PSMA3: variants seen among roughly 807,000 people sequenced by gnomAD.
The protein encoded by PSMA3 is proteasome subunit alpha type-3.
A neutral mutation model predicts 40.0 loss-of-function variants in PSMA3; 8 were observed. The observed-to-expected ratio is 0.20, with a 90% confidence interval of 0.12 to 0.36. PSMA3 has a LOEUF of 0.36. Ranked by LOEUF, PSMA3 falls within the 10% of genes least tolerant of loss-of-function variation. The probability of loss-of-function intolerance (pLI) is 1.00; values close to 1 mark genes in which losing one functional copy is unlikely to be tolerated. For missense variants in PSMA3, 219 were observed against 310.6 expected, an observed-to-expected ratio of 0.70 and a Z score of 2.22; for synonymous variants, 110 against 100.0, an observed-to-expected ratio of 1.10 and a Z score of -0.59.
intron 9 of PSMA3, 124 bp downstream of exon 9, chr14:58,270,609 A>G: frequency 6.7e-7 from 1 of 1,501,906 alleles, no homozygotes; most frequent in East Asian, 2.3e-5. Flanking sequence ...TAATGAAGGG[A>G]AAGTTCTGCT....
chr14:58,253,810 T>G (rs1890071136), intron 3 of PSMA3, among the ~76,000 whole-genome samples: 1 of 152,150 alleles, frequency 6.6e-6, no homozygotes, highest in African/African-American at 2.4e-5. Context: ...GTCAGGCTGG[T>G]CTCGGACTCC....
At chr14:58,262,664 G>C (rs978501740) in intron 6 of PSMA3, among the ~76,000 whole-genome samples, 2 of 151,320 alleles carry the variant, frequency 1.3e-5, no homozygotes, top group African/African-American at 4.9e-5. Flanking sequence ...CCGGATTCAA[G>C]GGATTCTTGT....
At chr14:58,251,722 G>A (rs954544491) in intron 2 of PSMA3, among the ~76,000 whole-genome samples, 1 of 152,132 alleles carries the variant, frequency 6.6e-6, no homozygotes, top group Non-Finnish European at 1.5e-5. Flanking sequence ...TCTACCCAGA[G>A]CAGTCACTGT....
chr14:58,256,338 A>G (rs1222087987), intron 3 of PSMA3, among the ~76,000 whole-genome samples: 1 of 152,138 alleles, frequency 6.6e-6, no homozygotes, highest in Non-Finnish European at 1.5e-5. Context: ...CGATTTTGGA[A>G]TATCTGCATT....
chr14:58,270,552 T>TG (rs1890584844), intron 9 of PSMA3, 67 bp downstream of exon 9: 1 of 1,602,320 alleles, frequency 6.2e-7, no homozygotes, highest in African/African-American at 1.3e-5. Flanking sequence ...TACAACTGAG[T>TG]GTCCTTTCTA....
intron 7 of PSMA3, chr14:58,266,803 TG>T (rs1890455549): frequency 6.6e-6 from 1 of 152,214 alleles, no homozygotes; most frequent in South Asian, 2.1e-4. Flanking sequence ...TTCTGTATCT[TG>T]CATATAGTAA....
chr14:58,255,692 C>CT (rs1890127760), intron 3 of PSMA3, among the ~76,000 whole-genome samples: 1 of 152,166 alleles, frequency 6.6e-6, no homozygotes, highest in Non-Finnish European at 1.5e-5. Context: ...TCCCTTGAAC[C>CT]TGGGAGGTGG....
At chr14:58,245,600 T>G (rs1475881554) in intron 1 of PSMA3, 1 of 152,382 alleles carries the variant, frequency 6.6e-6, no homozygotes, top group Admixed American at 6.5e-5. Context: ...AGCTTCAGAC[T>G]TTTCATAGAC....
chr14:58,263,225 T>G (rs1890334109), intron 6 of PSMA3, among the ~76,000 whole-genome samples: 1 of 152,218 alleles, frequency 6.6e-6, no homozygotes, highest in South Asian at 2.1e-4. Context: ...CCTGAGGTGA[T>G]CTGCCCACCT....
chr14:58,253,548 A>G (rs1025705373), intron 3 of PSMA3, among the ~76,000 whole-genome samples: 70 of 152,240 alleles, frequency 4.6e-4, no homozygotes, highest in African/African-American at 1.6e-3. Flanking sequence ...TATCTCAACA[A>G]TATGTTTCTC....
chr14:58,257,921 A>T lies in PSMA3; in HGVS notation c.331-4A>T, dbSNP rs766964925. Reference sequence around the variant, plus strand: ...TTAATAAGCTCTTCTGCTTCCCTCCATAGCATCTTGCAGACAGAGTGGCCA... The same window carrying T: ...TTAATAAGCTCTTCTGCTTCCCTCCTTAGCATCTTGCAGACAGAGTGGCCA... On this transcript the variant is annotated splice_polypyrimidine_tract_variant and splice_region_variant and intron_variant, in intron 4 of 10. Coordinates refer to ENST00000216455, the MANE Select transcript of PSMA3 (RefSeq NM_002788.4). 4 of 1,613,732 alleles carry T rather than the reference A, an allele frequency of 2.5e-6. No homozygotes were observed. In the South Asian group the frequency reaches 4.4e-5, roughly 18 times the overall value.
chr14:58,261,426 A>T (rs1002916483), intron 6 of PSMA3, among the ~76,000 whole-genome samples: 1 of 152,032 alleles, frequency 6.6e-6, no homozygotes, highest in Non-Finnish European at 1.5e-5. Flanking sequence ...AGATCTACCC[A>T]CCTGGGTCTC....
At chr14:58,267,629 T>C in intron 8 of PSMA3, 109 bp downstream of exon 8, 1 of 1,297,564 alleles carries the variant, frequency 7.7e-7, no homozygotes, top group South Asian at 2.4e-5. Context: ...ACTTAGTGTA[T>C]AATTTTTAGA....
chr14:58,259,913 T>C (rs1463184797), intron 5 of PSMA3, among the ~76,000 whole-genome samples: 4 of 152,184 alleles, frequency 2.6e-5, no homozygotes, highest in African/African-American at 7.2e-5. Context: ...TAAAAGTCTG[T>C]GCTCCATGCT....
At chr14:58,262,584 A>G (rs1035425676) in intron 6 of PSMA3, among the ~76,000 whole-genome samples, 2 of 147,520 alleles carry the variant, frequency 1.4e-5, no homozygotes, top group African/African-American at 2.5e-5. Context: ...TTTTTTTGAG[A>G]CAGAGTCTTG....
intron 2 of PSMA3, among the ~76,000 whole-genome samples, chr14:58,250,291 G>C (rs990352511): frequency 3.8e-4 from 58 of 151,808 alleles, no homozygotes; most frequent in African/African-American, 1.4e-3. Context: ...CTGGCCTCAG[G>C]CAAGCCTTTC....
Position 58,257,907 on chromosome 14 carries a change from T to G in PSMA3, c.331-18T>G. 6.2e-7 allele frequency: 1 copy of G among 1,613,202 alleles called. No homozygotes were observed. The highest frequency in any genetic ancestry group is 8.5e-7 in the Non-Finnish European group (1 of 1,179,160). ...GTAATAGAAGTTTATTAATAAGCTC[T>G]TCTGCTTCCCTCCATAGCATCTTGC... On this transcript the variant is annotated intron_variant, in intron 4 of 10. Transcript: ENST00000216455.
intron 8 of PSMA3, chr14:58,268,714 A>G (rs1006764532): frequency 3.3e-5 from 5 of 152,142 alleles, no homozygotes; most frequent in Admixed American, 6.6e-5. Context: ...ACCATCTTTT[A>G]TATTTAGGTA....
chr14:58,271,562 G>A (rs188784494), intron 10 of PSMA3, among the ~76,000 whole-genome samples: 3 of 151,942 alleles, frequency 2.0e-5, no homozygotes, highest in Non-Finnish European at 2.9e-5. Flanking sequence ...TCAAACTCTT[G>A]AACTCACGTG....
Sources: gnomAD v4.1 joint callset for allele counts (sites outside exome capture counted in the v4.1 genomes callset) on GRCh38, gnomAD v4.1.1 for gene constraint, MANE v1.5 for transcripts, NCBI Gene and HGNC (gene_info 2026-07-23, HGNC 2026-07-21) for gene names.